GRB2: variants seen among roughly 807,000 people sequenced by gnomAD.
GRB2 encodes the protein growth factor receptor bound protein 2, also known as growth factor receptor-bound protein 2.
Under a neutral mutation model 27.4 loss-of-function variants are expected in GRB2, and 2 were observed. That is an observed-to-expected ratio of 0.07 (90% CI 0.03 to 0.23). GRB2 has a LOEUF of 0.23. GRB2 is among the 10% of genes least tolerant of loss of function. The pLI is 1.00. For synonymous variants in GRB2, 94 were observed against 99.6 expected (o/e 0.94, Z 0.33); for missense variants, 102 against 282.4 (o/e 0.36, Z 4.58).
chr17:75,358,096 A>T (rs953742565), intron 2 of GRB2, among the ~76,000 whole-genome samples: 16 of 152,172 alleles, frequency 1.1e-4, no homozygotes, highest in African/African-American at 3.9e-4. Context: ...CATTGATGTA[A>T]TCTAAATGAT....
intron 3 of GRB2, 194 bp from the exon 4 acceptor site, chr17:75,326,214 C>T: frequency 1.7e-6 from 1 of 599,246 alleles, no homozygotes; most frequent in Non-Finnish European, 2.9e-6. Flanking sequence ...CTTTAGCCTA[C>T]TCCATTTCCC....
intron 2 of GRB2, chr17:75,373,288 G>C (rs1380907752): frequency 1.3e-5 from 2 of 152,304 alleles, no homozygotes; most frequent in East Asian, 1.9e-4. Context: ...TTAAGCAAGA[G>C]TGAGGCTGGA....
rs368011954 is a variant in GRB2, at chr17:75,320,350, A to G, written c.*18T>C. On this transcript the variant is annotated 3_prime_UTR_variant, in exon 6 of 6. Transcript: ENST00000316804. The surrounding 1 kb of genome is among the most constrained non-coding windows in gnomAD (Gnocchi z 4.3). The stretch of plus-strand genomic sequence containing the variant: ...GTTTTACATTTTTCACTTTCTTTAA[A>G]TAATTGCTTCTTGACTCTTAGACGT... The G allele has an allele frequency of 3.4e-5, 55 of 1,602,032 alleles. No homozygotes were observed. The highest frequency in any genetic ancestry group is 8.4e-5 in the Admixed American group (5 of 59,648).
At chr17:75,341,641 A>G (rs1336256224) in intron 2 of GRB2, among the ~76,000 whole-genome samples, 1 of 152,080 alleles carries the variant, frequency 6.6e-6, no homozygotes, top group Admixed American at 6.6e-5. Flanking sequence ...CCAAACTCCA[A>G]CTTTCCACGG....
In GRB2 at chr17:75,321,169, C is replaced by CTTTT. The variant is rs61287852; in HGVS notation, c.468+486_468+489dup. Among the ~76,000 whole-genome samples, 1,007 of 119,886 alleles carry CTTTT rather than the reference C, an allele frequency of 8.4e-3. 67 individuals carry two copies. Among genetic ancestry groups the CTTTT allele is most frequent in the African/African-American group, 0.022 (595 of 26,592 alleles). The allele number at this position is 119,886 out of a possible 152,430, so 78.6% of individuals were successfully genotyped here. On this transcript the variant is annotated intron_variant, in intron 5 of 5. Transcript: ENST00000316804. Reference sequence around the variant, plus strand: ...AAACCTTGTATTTGAAACAACAAATCTTTTTTTTTTTTTTTTTTTTTTTTT... The same window carrying CTTTT: ...AAACCTTGTATTTGAAACAACAAATCTTTTTTTTTTTTTTTTTTTTTTTTTTTTT...
intron 2 of GRB2, among the ~76,000 whole-genome samples, chr17:75,363,325 G>A (rs1188426615): frequency 1.3e-5 from 2 of 152,098 alleles, no homozygotes; most frequent in Admixed American, 6.6e-5. Flanking sequence ...ACAGAGGATA[G>A]GCTACTTTTA....
intron 2 of GRB2, among the ~76,000 whole-genome samples, chr17:75,374,403 C>CAAAAAAAA (rs56404809): frequency 1.1e-4 from 10 of 88,748 alleles, no homozygotes; most frequent in Non-Finnish European, 1.5e-4. Context: ...GACTCCATAT[C>CAAAAAAAA]AAAAAAAAAA....
At chr17:75,389,973 C>G (rs2078988480) in intron 2 of GRB2, among the ~76,000 whole-genome samples, 1 of 152,170 alleles carries the variant, frequency 6.6e-6, no homozygotes, top group South Asian at 2.1e-4. Context: ...TTTGGAGCTT[C>G]TGAAGGGAGA....
chr17:75,333,587 C>CA (rs1249478103), intron 2 of GRB2, among the ~76,000 whole-genome samples: 1 of 152,166 alleles, frequency 6.6e-6, no homozygotes, highest in Non-Finnish European at 1.5e-5. Context: ...TACAGTGATA[C>CA]AGTCCTGGAT....
rs56315089 is a variant in GRB2, at chr17:75,343,748, C to T, written c.79-10951G>A. Among the ~76,000 whole-genome samples the T allele has an allele frequency of 1.2e-3, 178 of 152,176 alleles. 1 individual carries two copies. Among genetic ancestry groups the T allele is most frequent in the Non-Finnish European group, 2.0e-3 (137 of 68,008 alleles). The stretch of plus-strand genomic sequence containing the variant: ...GTTTCCATTCAAAATAACTGTCTTG[C>T]GTTTTGTGACATGTGGAAGTCCTAT... On this transcript the variant is annotated intron_variant, in intron 2 of 5. Coordinates refer to ENST00000316804, the MANE Select transcript of GRB2 (RefSeq NM_002086.5).
chr17:75,394,005 T>G, intron 1 of GRB2: 4 of 270,130 alleles, frequency 1.5e-5, no homozygotes, highest in Non-Finnish European at 1.4e-5. Context: ...CTGAACACAC[T>G]TCCTCTTCCT....
chr17:75,403,188 A>G (rs2079075390), intron 1 of GRB2, among the ~76,000 whole-genome samples: 1 of 148,944 alleles, frequency 6.7e-6, no homozygotes, highest in Non-Finnish European at 1.5e-5. Flanking sequence ...ATATATATAC[A>G]GACTCTCAAA....
At chr17:75,363,320 G>A (rs1254925598) in intron 2 of GRB2, among the ~76,000 whole-genome samples, 1 of 152,108 alleles carries the variant, frequency 6.6e-6, no homozygotes, top group Non-Finnish European at 1.5e-5. Context: ...CAGTTACAGA[G>A]GATAGGCTAC....
chr17:75,377,442 G>A (rs1345191426), intron 2 of GRB2, among the ~76,000 whole-genome samples: 1 of 151,198 alleles, frequency 6.6e-6, no homozygotes, highest in Non-Finnish European at 1.5e-5. Flanking sequence ...GCAACATGGC[G>A]GGATCTTGTT....
At chr17:75,336,187 A>T (rs144567988) in intron 2 of GRB2, among the ~76,000 whole-genome samples, 10 of 152,352 alleles carry the variant, frequency 6.6e-5, no homozygotes, top group Admixed American at 1.3e-4. Context: ...GTAATAATAA[A>T]AACCCCACAG....
At chr17:75,377,597 GAAAAAAAAAA>G (rs60003550) in intron 2 of GRB2, among the ~76,000 whole-genome samples, 3 of 53,190 alleles carry the variant, frequency 5.6e-5, no homozygotes, top group Admixed American at 2.6e-4. Flanking sequence ...CCCTGTCTCA[GAAAAAAAAAA>G]AAAAAAAAAA....
chr17:75,365,322 G>A (rs1397348147), intron 2 of GRB2, among the ~76,000 whole-genome samples: 6 of 152,036 alleles, frequency 3.9e-5, no homozygotes, highest in Non-Finnish European at 7.4e-5. Flanking sequence ...ACAAAACCCC[G>A]AAACCTCTAA....
At chr17:75,348,336 T>C (rs2078667528) in intron 2 of GRB2, among the ~76,000 whole-genome samples, 1 of 152,132 alleles carries the variant, frequency 6.6e-6, no homozygotes, top group Non-Finnish European at 1.5e-5. Context: ...TGAGCCATAA[T>C]GCCCAGCCCT....
intron 2 of GRB2, among the ~76,000 whole-genome samples, chr17:75,358,147 G>T (rs1469402781): frequency 6.6e-6 from 1 of 152,098 alleles, no homozygotes; most frequent in Non-Finnish European, 1.5e-5. Flanking sequence ...CTCTGGAATT[G>T]ATTTTTTTAA....
Sources: allele counts gnomAD v4.1 joint callset (sites outside exome capture counted in the v4.1 genomes callset), GRCh38; gene constraint gnomAD v4.1.1; non-coding constraint Gnocchi (gnomAD v3.1); transcripts MANE v1.5; gene names NCBI Gene and HGNC (gene_info 2026-07-23, HGNC 2026-07-21).